The following MCC variants were observed in gnomAD, a reference collection of about 807,000 sequenced individuals.
MCC encodes colorectal mutant cancer protein.
In MCC, 90 loss-of-function variants were observed where a neutral mutation model predicts 116.2. The ratio of observed to expected loss-of-function variants is 0.77; its 90% CI spans 0.65 to 0.92. The LOEUF (loss-of-function observed/expected upper bound fraction) is 0.92. Ranked by LOEUF, MCC falls within the 40% of genes least tolerant of loss-of-function variation. MCC has a pLI of 0.00. For missense variants in MCC, 1,516 were observed against 1,312.2 expected (o/e 1.16, Z -2.40); for synonymous variants, 578 against 510.5 (o/e 1.13, Z -1.78).
chr5:113,387,998 G>T (rs887202340), intron 1 of MCC, among the ~76,000 whole-genome samples: 4 of 152,146 alleles, frequency 2.6e-5, no homozygotes, highest in Non-Finnish European at 5.9e-5. Flanking sequence ...GTCCACAGAG[G>T]CCCACCCTTC....
intron 3 of MCC, among the ~76,000 whole-genome samples, chr5:113,168,317 A>C (rs1251453858): frequency 6.6e-6 from 1 of 152,236 alleles, no homozygotes; most frequent in Non-Finnish European, 1.5e-5. Context: ...CCTTTTCCAG[A>C]TAAATGCCAG....
intron 2 of MCC, among the ~76,000 whole-genome samples, chr5:113,372,224 A>G (rs1008852854): frequency 3.3e-5 from 5 of 152,222 alleles, no homozygotes; most frequent in African/African-American, 1.2e-4. Flanking sequence ...TATGCTGACT[A>G]AAATGAAGTG....
chr5:113,400,161 C>T (rs1478376315), intron 1 of MCC, among the ~76,000 whole-genome samples: 2 of 108,472 alleles, frequency 1.8e-5, no homozygotes, highest in African/African-American at 3.9e-5. Context: ...CTTACTGTGT[C>T]GCCCAGGCTG....
At chr5:113,094,513 C>T (rs13436688) in intron 8 of MCC, among the ~76,000 whole-genome samples, 43,968 of 150,998 alleles carry the variant, frequency 0.29, 6,531 homozygotes, top group Middle Eastern at 0.33. Flanking sequence ...CTCTGCCTCC[C>T]GGGTTCAAGC....
At chr5:113,143,058 C>T (rs910487428) in intron 5 of MCC, among the ~76,000 whole-genome samples, 160 bp downstream of exon 5, 14 of 152,202 alleles carry the variant, frequency 9.2e-5, no homozygotes, top group Admixed American at 9.2e-4. Flanking sequence ...GAAATATACA[C>T]TTCAAAAGCC....
At chr5:113,253,665 T>C (rs923510439) in intron 3 of MCC, among the ~76,000 whole-genome samples, 1 of 151,720 alleles carries the variant, frequency 6.6e-6, no homozygotes, top group African/African-American at 2.4e-5. Flanking sequence ...TGACTACATA[T>C]GAAGAAAGCT....
At chr5:113,430,523 G>A (rs543621135) in intron 1 of MCC, among the ~76,000 whole-genome samples, 1 of 152,334 alleles carries the variant, frequency 6.6e-6, no homozygotes, top group African/African-American at 2.4e-5. Flanking sequence ...CATTGGCAGT[G>A]TATGAAAGAC....
intron 17 of MCC, among the ~76,000 whole-genome samples, chr5:113,031,181 C>T (rs1375830308): frequency 6.6e-6 from 1 of 152,138 alleles, no homozygotes; most frequent in African/African-American, 2.4e-5. Flanking sequence ...ATGGAAGGGG[C>T]AGGATCTTTA....
intron 3 of MCC, chr5:113,294,409 C>G (rs150860756): frequency 1.2e-6 from 2 of 1,613,514 alleles, no homozygotes; most frequent in South Asian, 1.1e-5. Context: ...GAGCTGGGCT[C>G]TCAGTCCCCC....
intron 3 of MCC, among the ~76,000 whole-genome samples, chr5:113,239,467 G>A (rs1764278991): frequency 6.6e-6 from 1 of 152,170 alleles, no homozygotes; most frequent in South Asian, 2.1e-4. Flanking sequence ...TCTTAACCTG[G>A]TAAGTGGAGC....
At chr5:113,369,537 C>G (rs1768787821) in intron 2 of MCC, among the ~76,000 whole-genome samples, 1 of 152,116 alleles carries the variant, frequency 6.6e-6, no homozygotes, top group African/African-American at 2.4e-5. Context: ...AGTGTTCTCT[C>G]TGCAGAGTCT....
At chr5:113,239,419 A>G (rs566556157) in intron 3 of MCC, among the ~76,000 whole-genome samples, 2 of 152,332 alleles carry the variant, frequency 1.3e-5, no homozygotes, top group East Asian at 1.9e-4. Context: ...GGGTCCTCGC[A>G]TGCAGCAGAG....
chr5:113,458,476 G>A lies in MCC; in HGVS notation c.170+29769C>T, dbSNP rs992377680. ...CTCCAGACGCGCCACCTTAAGAGCT[G>A]TAACACTCACCGCGAGGGTCCATGG... On this transcript the variant is annotated intron_variant, in intron 1 of 18. Transcript: ENST00000408903. Among the ~76,000 whole-genome samples the A allele has an allele frequency of 2.0e-5, 3 of 152,184 alleles. No individual in the cohort carries two copies. In the South Asian group the frequency reaches 6.2e-4, roughly 32 times the overall value.
chr5:113,079,248 T>A (rs1171907946), intron 11 of MCC, among the ~76,000 whole-genome samples: 1 of 152,210 alleles, frequency 6.6e-6, no homozygotes, highest in Non-Finnish European at 1.5e-5. Context: ...AATTTATAGA[T>A]TCAATGCCAT....
chr5:113,231,950 G>C lies in MCC; in HGVS notation c.628-80528C>G, dbSNP rs962317163. 1.3e-3 allele frequency among the ~76,000 whole-genome samples: 197 copies of C among 152,118 alleles called. 3 individuals are homozygous for C. The highest frequency in any genetic ancestry group is 1.2e-4 in the Non-Finnish European group (8 of 67,990). On this transcript the variant is annotated intron_variant, in intron 3 of 18. Transcript: ENST00000408903. ...TTTACTATATATCTGACAACTTACT[G>C]ACACTAAGTTGTACAGGACCTATAT...
chr5:113,276,271 G>C (rs1254107395), intron 3 of MCC, among the ~76,000 whole-genome samples: 37 of 152,184 alleles, frequency 2.4e-4, no homozygotes. Flanking sequence ...CGCAGGCCTG[G>C]GTAGAACAAC....
rs55760732 is a variant in MCC at position 113,375,892 on chromosome 5, A to T, written c.415+9076T>A. Among the ~76,000 whole-genome samples, 974 of 152,278 alleles carry T rather than the reference A, an allele frequency of 6.4e-3. 9 individuals are homozygous for T. Among genetic ancestry groups the T allele is most frequent in the African/African-American group, 0.023 (941 of 41,546 alleles). On this transcript the variant is annotated intron_variant, in intron 2 of 18. Coordinates refer to ENST00000408903, the MANE Select transcript of MCC (RefSeq NM_001085377.2). ...TGGGGAAAAAATACTCCACCTCTTGATGGGAAAAGCTGCAAAATATTGTGG... is the reference window on the plus strand; with the variant it reads ...TGGGGAAAAAATACTCCACCTCTTGTTGGGAAAAGCTGCAAAATATTGTGG...
chr5:113,066,013 C>T (rs1753575911), intron 13 of MCC, among the ~76,000 whole-genome samples: 3 of 152,244 alleles, frequency 2.0e-5, no homozygotes, highest in African/African-American at 7.2e-5. Flanking sequence ...ACAAATAAGA[C>T]ATTTTACATA....
intron 3 of MCC, among the ~76,000 whole-genome samples, chr5:113,296,232 T>A (rs11744824): frequency 1.3e-5 from 2 of 151,892 alleles, no homozygotes; most frequent in Admixed American, 1.3e-4. Flanking sequence ...AAACTGCATG[T>A]TTGAAGCTGG....
Sources: gnomAD v4.1 joint callset for allele counts (sites outside exome capture counted in the v4.1 genomes callset) on GRCh38, gnomAD v4.1.1 for gene constraint, MANE v1.5 for transcripts, NCBI Gene and HGNC (gene_info 2026-07-23, HGNC 2026-07-21) for gene names.